PLGRKT: variants seen among roughly 807,000 people sequenced by gnomAD.
The protein encoded by PLGRKT is plasminogen receptor with a C-terminal lysine.
A neutral mutation model predicts 18.5 loss-of-function variants in PLGRKT; 22 were observed. The ratio of observed to expected loss-of-function variants is 1.19; its 90% CI spans 0.85 to 1.70. PLGRKT has a LOEUF of 1.70. PLGRKT is among the 40% of genes most tolerant of loss of function. The pLI is 0.00. For synonymous variants in PLGRKT, 72 were observed against 52.8 expected (o/e 1.36, Z -1.58); for missense variants, 235 against 174.4 (o/e 1.35, Z -1.96).
At chr9:5,372,527 G>A (rs1817541682) in intron 3 of PLGRKT, among the ~76,000 whole-genome samples, 1 of 152,176 alleles carries the variant, frequency 6.6e-6, no homozygotes, top group South Asian at 2.1e-4. Context: ...TACATTATCA[G>A]GAATGATGCA....
intron 3 of PLGRKT, among the ~76,000 whole-genome samples, chr9:5,406,440 C>A (rs1007920306): frequency 1.3e-5 from 2 of 152,114 alleles, no homozygotes; most frequent in African/African-American, 2.4e-5. Context: ...TAAAAAGGAA[C>A]AAGATCATGT....
At chr9:5,396,871 T>C (rs1352462679) in intron 3 of PLGRKT, among the ~76,000 whole-genome samples, 1 of 151,956 alleles carries the variant, frequency 6.6e-6, no homozygotes, top group Non-Finnish European at 1.5e-5. Context: ...ACAATTTATC[T>C]CATCAAAATT....
intron 3 of PLGRKT, among the ~76,000 whole-genome samples, chr9:5,414,841 A>C (rs1053343326): frequency 6.6e-6 from 1 of 152,232 alleles, no homozygotes; most frequent in Non-Finnish European, 1.5e-5. Context: ...GAATGAAGAA[A>C]GGGGAAGAGC....
chr9:5,362,699 C>G (rs911734), intron 3 of PLGRKT, among the ~76,000 whole-genome samples: 7 of 152,002 alleles, frequency 4.6e-5, no homozygotes, highest in African/African-American at 1.7e-4. Context: ...AGAGGAAGGA[C>G]TAATAATGTG....
At chr9:5,362,025 T>C in intron 3 of PLGRKT, 137 bp from the exon 4 acceptor site, 1 of 816,982 alleles carries the variant, frequency 1.2e-6, no homozygotes, top group Non-Finnish European at 1.9e-6. Context: ...CAACAGACTT[T>C]GACTAAAGTT....
At chr9:5,358,455 C>T (rs1413711008) in intron 5 of PLGRKT, 95 bp from the exon 6 acceptor site, 6 of 995,148 alleles carry the variant, frequency 6.0e-6, no homozygotes, top group Non-Finnish European at 9.2e-6. Flanking sequence ...GGCTCTAACA[C>T]CGTATGAGCC....
intron 3 of PLGRKT, among the ~76,000 whole-genome samples, chr9:5,368,784 G>A (rs1197714169): frequency 6.6e-6 from 1 of 152,100 alleles, no homozygotes; most frequent in African/African-American, 2.4e-5. Context: ...ACAGAGCAGA[G>A]CCCTCAGAAA....
At chr9:5,435,292 A>T (rs1429185748) in intron 2 of PLGRKT, among the ~76,000 whole-genome samples, 1 of 150,722 alleles carries the variant, frequency 6.6e-6, no homozygotes, top group African/African-American at 2.5e-5. Flanking sequence ...CCCCTCTCTA[A>T]GAAACACCCA....
At chr9:5,397,871 T>C (rs1818083111) in intron 3 of PLGRKT, among the ~76,000 whole-genome samples, 1 of 151,962 alleles carries the variant, frequency 6.6e-6, no homozygotes, top group African/African-American at 2.4e-5. Flanking sequence ...ATCTCTAGCT[T>C]TGAGGCAGCC....
intron 3 of PLGRKT, among the ~76,000 whole-genome samples, chr9:5,414,753 T>G (rs938598364): frequency 6.6e-6 from 1 of 152,220 alleles, no homozygotes; most frequent in Non-Finnish European, 1.5e-5. Flanking sequence ...CTGGCAATTC[T>G]AAAACTATTT....
intron 3 of PLGRKT, among the ~76,000 whole-genome samples, chr9:5,417,166 T>C (rs1035720696): frequency 1.3e-5 from 2 of 152,176 alleles, no homozygotes; most frequent in Non-Finnish European, 2.9e-5. Flanking sequence ...AAGGTCAAGA[T>C]GCACTTTTCA....
rs1297991687 is a variant in PLGRKT, at chr9:5,418,739, T to C, written c.81+13158A>G. The C allele has an allele frequency of 4.4e-5, 30 of 680,962 alleles. No individual in the cohort carries two copies. Among genetic ancestry groups the C allele is most frequent in the Non-Finnish European group, 7.5e-5 (28 of 372,042 alleles). The allele number at this position is 680,962 out of a possible 1,614,324, so 42.2% of individuals were successfully genotyped here. A position where few individuals can be genotyped will look rare whatever the true frequency, so the allele number is the denominator to read the frequency against. On this transcript the variant is annotated intron_variant, in intron 3 of 5. Transcript: ENST00000223864. This position sits in a 1 kb window ranked among gnomAD's most constrained non-coding sequence, Gnocchi z 4.2. ...GGCATGTGCTCCGAAGCGTGTGGAA[T>C]GGTGATGACAGCCAGGACCTCGGGG...
intron 2 of PLGRKT, among the ~76,000 whole-genome samples, chr9:5,435,185 G>C (rs1200001467): frequency 6.6e-6 from 1 of 152,094 alleles, no homozygotes; most frequent in Non-Finnish European, 1.5e-5. Flanking sequence ...CAGGGCCAAA[G>C]GCCGCAGGGA....
intron 3 of PLGRKT, among the ~76,000 whole-genome samples, chr9:5,404,869 C>G (rs779775349): frequency 6.6e-6 from 1 of 152,070 alleles, no homozygotes; most frequent in Non-Finnish European, 1.5e-5. Context: ...GACCCTTTAC[C>G]TAGAAAACCC....
At chr9:5,371,770 C>G (rs1333907496) in intron 3 of PLGRKT, among the ~76,000 whole-genome samples, 2 of 151,954 alleles carry the variant, frequency 1.3e-5, no homozygotes, top group Admixed American at 1.3e-4. Flanking sequence ...TGAGTAAAAA[C>G]AATAAGGGTG....
intron 3 of PLGRKT, among the ~76,000 whole-genome samples, chr9:5,386,766 C>A (rs1425625659): frequency 1.3e-5 from 2 of 151,858 alleles, no homozygotes; most frequent in Non-Finnish European, 2.9e-5. Flanking sequence ...GTCCATCACC[C>A]ATAATTATCC....
intron 3 of PLGRKT, among the ~76,000 whole-genome samples, chr9:5,408,511 G>T (rs548702241): frequency 6.6e-6 from 1 of 152,298 alleles, no homozygotes; most frequent in East Asian, 1.9e-4. Context: ...TAGCAGCCTA[G>T]GCTCATATGC....
At chr9:5,373,279 T>A (rs1817563319) in intron 3 of PLGRKT, among the ~76,000 whole-genome samples, 1 of 152,182 alleles carries the variant, frequency 6.6e-6, no homozygotes, top group African/African-American at 2.4e-5. Context: ...ACTACCACTC[T>A]CTGAAATTAA....
chr9:5,432,706 T>G (rs1336642609), intron 2 of PLGRKT, among the ~76,000 whole-genome samples: 1 of 152,202 alleles, frequency 6.6e-6, no homozygotes, highest in East Asian at 1.9e-4. Context: ...CCGTGTTGAC[T>G]GGGCTGGTCT....
Sources: gnomAD v4.1 joint callset for allele counts (sites outside exome capture counted in the v4.1 genomes callset) on GRCh38, gnomAD v4.1.1 for gene constraint, Gnocchi (gnomAD v3.1) non-coding constraint, MANE v1.5 for transcripts, NCBI Gene and HGNC (gene_info 2026-07-23, HGNC 2026-07-21) for gene names.